PDE1A: variants seen among roughly 807,000 people sequenced by gnomAD.
PDE1A encodes the protein dual specificity calcium/calmodulin-dependent 3',5'-cyclic nucleotide phosphodiesterase 1A.
In PDE1A, 35 loss-of-function variants were observed where a neutral mutation model predicts 61.7. The ratio of observed to expected loss-of-function variants is 0.57; its 90% CI spans 0.43 to 0.75. The LOEUF is 0.75. Among genes scored for constraint, PDE1A ranks in the 30% least tolerant of loss-of-function variants. The pLI, the probability that PDE1A is intolerant of heterozygous loss-of-function variation, is 0.00. For missense variants in PDE1A, 597 were observed against 630.6 expected (o/e 0.95, Z 0.57); for synonymous variants, 232 against 213.2 (o/e 1.09, Z -0.77).
chr2:182,667,922 T>C, the PDE1A span, among the ~76,000 whole-genome samples: 1 of 152,214 alleles, frequency 6.6e-6, no homozygotes, highest in East Asian at 1.9e-4. Context: ...TGAGATATAA[T>C]ATCAAGGAAG....
At chr2:182,329,725 T>A (rs1018159820) in intron 1 of PDE1A, among the ~76,000 whole-genome samples, 4 of 152,188 alleles carry the variant, frequency 2.6e-5, no homozygotes, top group African/African-American at 9.7e-5. Flanking sequence ...CTATCTCCTA[T>A]CTGCAAAGCA....
the PDE1A span, among the ~76,000 whole-genome samples, chr2:182,639,461 A>C: frequency 2.0e-5 from 3 of 151,968 alleles, no homozygotes; most frequent in South Asian, 2.1e-4. Flanking sequence ...ACAGCTGCTC[A>C]GGAGGTCGAG....
chr2:182,329,000 G>A (rs777235146), intron 1 of PDE1A, among the ~76,000 whole-genome samples: 1 of 152,014 alleles, frequency 6.6e-6, no homozygotes, highest in Non-Finnish European at 1.5e-5. Context: ...TTTTCTCTAG[G>A]GAAAGAATCC....
At chr2:182,456,054 C>A (rs116517611) in intron 2 of PDE1A, among the ~76,000 whole-genome samples, 1,651 of 152,130 alleles carry the variant, frequency 0.011, 29 homozygotes, top group African/African-American at 0.038. Context: ...AAATTCAGAT[C>A]TAATTCATAT....
At chr2:182,678,706 AC>A in the PDE1A span, among the ~76,000 whole-genome samples, 3 of 152,192 alleles carry the variant, frequency 2.0e-5, no homozygotes, top group Non-Finnish European at 4.4e-5. Context: ...GTTTACTATA[AC>A]AGCAAAAATA....
exon 2 of PDE1A, chr2:182,522,342 T>C (rs1336688907): frequency 1.9e-6 from 3 of 1,613,664 alleles, no homozygotes; most frequent in East Asian, 4.5e-5. Context: ...AGTGGTGTTT[T>C]CCAATTCTTC....
chr2:182,311,511 C>T (rs1471151394), intron 1 of PDE1A, among the ~76,000 whole-genome samples: 1 of 152,138 alleles, frequency 6.6e-6, no homozygotes, highest in African/African-American at 2.4e-5. Flanking sequence ...CCCTCAATTC[C>T]CTTCCTACTT....
At chr2:182,383,627 A>C (rs996351261) in intron 1 of PDE1A, among the ~76,000 whole-genome samples, 11 of 152,332 alleles carry the variant, frequency 7.2e-5, no homozygotes, top group African/African-American at 2.2e-4. Context: ...ATGGCCCTCC[A>C]GTAGTTATCC....
the PDE1A span, among the ~76,000 whole-genome samples, chr2:182,579,173 T>A: frequency 6.6e-6 from 1 of 152,226 alleles, no homozygotes; most frequent in African/African-American, 2.4e-5. Context: ...AAAATAAACA[T>A]GCTACAATGG....
chr2:182,436,305 A>G (rs1211993102), intron 2 of PDE1A, among the ~76,000 whole-genome samples: 2 of 152,032 alleles, frequency 1.3e-5, no homozygotes, highest in African/African-American at 2.4e-5. Context: ...TCTTTTGAAT[A>G]TCAATGTATC....
intron 11 of PDE1A, among the ~76,000 whole-genome samples, chr2:182,187,389 T>A (rs1685300488): frequency 6.6e-6 from 1 of 152,156 alleles, no homozygotes; most frequent in Non-Finnish European, 1.5e-5. Flanking sequence ...CTAAGGTCTG[T>A]GTACATGGCA....
intron 2 of PDE1A, among the ~76,000 whole-genome samples, chr2:182,443,569 C>T (rs1353732789): frequency 6.6e-6 from 1 of 152,062 alleles, no homozygotes; most frequent in Non-Finnish European, 1.5e-5. Flanking sequence ...CTCCTGTCAA[C>T]ATGTGAAGAT....
chr2:182,714,105 A>C, the PDE1A span, among the ~76,000 whole-genome samples: 1 of 152,176 alleles, frequency 6.6e-6, no homozygotes, highest in Non-Finnish European at 1.5e-5. Flanking sequence ...CTTCTTCTTC[A>C]GCCTATTTCT....
At chr2:182,494,343 C>T (rs868124106) in intron 2 of PDE1A, among the ~76,000 whole-genome samples, 8 of 151,578 alleles carry the variant, frequency 5.3e-5, no homozygotes, top group Admixed American at 6.6e-5. Flanking sequence ...CTATGGACTA[C>T]ACAGAAAGAT....
At chr2:182,498,451 G>A (rs1688856393) in intron 2 of PDE1A, among the ~76,000 whole-genome samples, 1 of 151,456 alleles carries the variant, frequency 6.6e-6, no homozygotes. Flanking sequence ...GGCAAAAATT[G>A]GCAAGAGGAG....
chr2:182,219,587 C>A (rs1688546952), intron 7 of PDE1A, among the ~76,000 whole-genome samples: 2 of 152,084 alleles, frequency 1.3e-5, no homozygotes, highest in African/African-American at 4.8e-5. Flanking sequence ...CTACCACTTA[C>A]CCAACACCGA....
At position 182,209,259 on chromosome 2, in the gene PDE1A, G is replaced by A. The variant is rs1312259515; in HGVS notation, c.777-3194C>T. Among the ~76,000 whole-genome samples, 3 of 151,992 alleles carry A rather than the reference G, an allele frequency of 2.0e-5. No homozygotes were observed. In the East Asian group the frequency reaches 5.8e-4, roughly 30 times the overall value. ...ATGGTGGCCGCAAGAGAGAGAATGA[G>A]AACCAAGTGAAACAGATTTCCCCTT... On this transcript the variant is annotated intron_variant, in intron 7 of 13. Coordinates refer to ENST00000351439, the Ensembl canonical transcript of PDE1A.
At chr2:182,230,884 AC>A in intron 5 of PDE1A, 130 bp downstream of exon 5, 1 of 629,228 alleles carries the variant, frequency 1.6e-6, no homozygotes, top group Non-Finnish European at 2.8e-6. Context: ...AGACCTCATC[AC>A]CTTAATTCTG....
At chr2:182,636,377 T>C in the PDE1A span, among the ~76,000 whole-genome samples, 78 of 152,274 alleles carry the variant, frequency 5.1e-4, no homozygotes, top group Non-Finnish European at 9.4e-4. Flanking sequence ...GTCTTTAACT[T>C]TTGGATAATT....
Sources: gnomAD v4.1 joint callset for allele counts (sites outside exome capture counted in the v4.1 genomes callset) on GRCh38, gnomAD v4.1.1 for gene constraint, MANE v1.5 for transcripts, NCBI Gene and HGNC (gene_info 2026-07-23, HGNC 2026-07-21) for gene names.